Variants in NUP107 observed in about 807,000 individuals in gnomAD.
The protein encoded by NUP107 is nuclear pore complex protein Nup107.
Under a neutral mutation model 141.0 loss-of-function variants are expected in NUP107, and 101 were observed. That is an observed-to-expected ratio of 0.72 (90% CI 0.61 to 0.84). The LOEUF is 0.84. Ranked by LOEUF, NUP107 falls within the 40% of genes least tolerant of loss-of-function variation. NUP107 has a pLI of 0.00. For synonymous variants in NUP107, 319 were observed against 363.9 expected (o/e 0.88, Z 1.41); for missense variants, 941 against 1,102.7 (o/e 0.85, Z 2.08).
chr12:68,736,667 T>G (rs1022732064), intron 26 of NUP107, among the ~76,000 whole-genome samples: 2 of 151,396 alleles, frequency 1.3e-5, no homozygotes, highest in Non-Finnish European at 2.9e-5. Flanking sequence ...TCCTCCCACC[T>G]TGGCCTCCTG....
At chr12:68,717,254 A>G (rs1217928072) in intron 12 of NUP107, among the ~76,000 whole-genome samples, 2 of 152,226 alleles carry the variant, frequency 1.3e-5, no homozygotes, top group Non-Finnish European at 2.9e-5. Flanking sequence ...CTCAAAAAAT[A>G]GAAATTCTCA....
intron 17 of NUP107, 22 bp downstream of exon 17, chr12:68,722,174 T>C (rs751009966): frequency 6.2e-7 from 1 of 1,602,722 alleles, no homozygotes; most frequent in Admixed American, 1.7e-5. Context: ...TAGGAATATG[T>C]TAGGTATCTG....
chr12:68,708,195 C>G (rs554151940), intron 8 of NUP107, among the ~76,000 whole-genome samples: 68 of 152,162 alleles, frequency 4.5e-4, no homozygotes, highest in Admixed American at 3.3e-3. Flanking sequence ...GAGCCAATCC[C>G]CCATGGATAC....
rs767871343 is a variant in NUP107, at chr12:68,719,642, A to G, written c.1239A>G (p.Arg413=). ...GCATTTGGAAAATAAGTTGCTGGAG[A>G]ATGGCAGAAGATGTAAGATAAATAA... ...YRRIWKISCW[R]MAEDELFNRY... is the part of the protein sequence containing the mutation. The change falls in exon 14 of 28, where the codon AGA becomes AGG. Residue 413 remains arginine (R), a synonymous_variant. Transcript: ENST00000229179. 1 of 1,607,824 alleles carries G rather than the reference A, an allele frequency of 6.2e-7. No homozygotes were observed. The highest frequency in any genetic ancestry group is 1.1e-5 in the South Asian group (1 of 90,910).
rs139991199 is a variant in NUP107, at chr12:68,689,593, G to A, written c.161G>A (p.Arg54Gln). 1,250 of 1,611,460 alleles carry A rather than the reference G, an allele frequency of 7.8e-4. No individual in the cohort carries two copies. Among genetic ancestry groups the A allele is most frequent in the Non-Finnish European group, 9.9e-4 (1,172 of 1,178,842 alleles). Reference sequence around the variant, plus strand: ...ACACCAAGAAACCAGGTTATCCCTCGAACTCCTAGCTCATTTCGACAGCCT... The same window carrying A: ...ACACCAAGAAACCAGGTTATCCCTCAAACTCCTAGCTCATTTCGACAGCCT... ...NTTPRNQVIPRTPSSFRQPFT... is the reference protein window; with the variant it reads ...NTTPRNQVIPQTPSSFRQPFT... Residue 54 changes from arginine (R) to glutamine (Q), a missense_variant, in exon 3 of 28, where the codon CGA becomes CAA. Transcript: ENST00000229179.
chr12:68,707,716 A>C (rs1876660281), intron 8 of NUP107, among the ~76,000 whole-genome samples: 1 of 152,234 alleles, frequency 6.6e-6, no homozygotes, highest in Admixed American at 6.5e-5. Context: ...ATTAGATATT[A>C]TACATAATCT....
chr12:68,732,596 C>A (rs79783706), intron 22 of NUP107, 41 bp from the exon 23 acceptor site: 5 of 1,221,440 alleles, frequency 4.1e-6, no homozygotes, highest in East Asian at 2.5e-5. Context: ...AAAAAAAAAA[C>A]TCTGATATTC....
At chr12:68,713,302 G>A (rs1469781657) in intron 10 of NUP107, among the ~76,000 whole-genome samples, 1 of 151,352 alleles carries the variant, frequency 6.6e-6, no homozygotes, top group Non-Finnish European at 1.5e-5. Context: ...TTGAGTCCGG[G>A]AGGTCGAGGC....
rs201047805 is a variant in NUP107, at chr12:68,722,088, G to A, written c.1458-16G>A. The A allele has an allele frequency of 6.1e-5, 99 of 1,611,794 alleles. No homozygotes were observed. Among genetic ancestry groups the A allele is most frequent in the East Asian group, 2.2e-4 (10 of 44,870 alleles). On this transcript the variant is annotated splice_polypyrimidine_tract_variant and intron_variant, in intron 16 of 27. Coordinates refer to ENST00000229179, the MANE Select transcript of NUP107 (RefSeq NM_020401.4). ...ATATTATTAACATTATTCTTTTCCCGTTGTTTCTTTTGAAGCTGGACGTTA... is the reference window on the plus strand; with the variant it reads ...ATATTATTAACATTATTCTTTTCCCATTGTTTCTTTTGAAGCTGGACGTTA...
At chr12:68,736,249 A>G (rs1878061320) in intron 26 of NUP107, among the ~76,000 whole-genome samples, 1 of 151,792 alleles carries the variant, frequency 6.6e-6, no homozygotes, top group African/African-American at 2.4e-5. Context: ...TCATACCCTC[A>G]TCTATTTAGT....
chr12:68,740,444 C>T (rs1242515204), intron 26 of NUP107, among the ~76,000 whole-genome samples: 1 of 152,174 alleles, frequency 6.6e-6, no homozygotes. Context: ...ATGCTTCAAA[C>T]AAGACCAAAA....
chr12:68,740,889 T>C (rs1356336637), intron 26 of NUP107, among the ~76,000 whole-genome samples: 11 of 151,456 alleles, frequency 7.3e-5, no homozygotes, highest in African/African-American at 2.7e-4. Context: ...TTTTTTTAAA[T>C]AGAAAAATTA....
chr12:68,703,034 C>T lies in NUP107; in HGVS notation c.729+250C>T, dbSNP rs140252476. On this transcript the variant is annotated intron_variant, in intron 8 of 27. Coordinates refer to ENST00000229179, the MANE Select transcript of NUP107 (RefSeq NM_020401.4). ...AATTTTTTGTATTTTTAATAGCAAA[C>T]GGGGTTTCATCATGTTGGCCAAGCT... Among the ~76,000 whole-genome samples the T allele has an allele frequency of 9.4e-3, 1,427 of 151,832 alleles. 12 individuals are homozygous for T. The highest frequency in any genetic ancestry group is 0.021 in the South Asian group (102 of 4,814).
chr12:68,704,046 C>T (rs1214089141), intron 8 of NUP107, among the ~76,000 whole-genome samples: 1 of 152,096 alleles, frequency 6.6e-6, no homozygotes, highest in South Asian at 2.1e-4. Flanking sequence ...TGCACTCTAG[C>T]CTGGGCAACA....
chr12:68,735,345 G>A lies in NUP107; in HGVS notation c.2502+1G>A. 6.2e-7 allele frequency: 1 copy of A among 1,607,268 alleles called. No individual in the cohort carries two copies. The highest frequency in any genetic ancestry group is 8.5e-7 in the Non-Finnish European group (1 of 1,173,910). ...AGGGTGGATGGTGGATGTTAGAGAG[G>A]TAAGCTGTGTGCATTGTTTATAGCC... is the stretch of plus-strand genomic sequence containing the variant. On this transcript the variant is annotated splice_donor_variant, in intron 26 of 27. Coordinates refer to ENST00000229179, the MANE Select transcript of NUP107 (RefSeq NM_020401.4). LOFTEE classifies it high-confidence loss of function.
chr12:68,702,642 GTTAGCCAAATTTTCCTTCTCT>G, intron 7 of NUP107, 73 bp from the exon 8 acceptor site: 1 of 820,296 alleles, frequency 1.2e-6, no homozygotes, highest in South Asian at 1.7e-5. Context: ...TTAAAAAGAA[GTTAGCCAAATTTTCCTTCTCT>G]CAGATGCTCA....
At position 68,737,290 on chromosome 12, in the gene NUP107, C is replaced by T. The variant is rs149645879; in HGVS notation, c.2502+1946C>T. The stretch of plus-strand genomic sequence containing the variant: ...TCATAAAATTAGAGTTGAGGCCAAG[C>T]GTGGTGGCTCACGCCTGTACTCCTA... On this transcript the variant is annotated intron_variant, in intron 26 of 27. Coordinates refer to ENST00000229179, the MANE Select transcript of NUP107 (RefSeq NM_020401.4). Among the ~76,000 whole-genome samples, 10 of 152,228 alleles carry T rather than the reference C, an allele frequency of 6.6e-5. No individual in the cohort carries two copies. The East Asian group carries it at 1.4e-3, about 21-fold the overall frequency.
intron 18 of NUP107, 100 bp from the exon 19 acceptor site, chr12:68,726,399 T>C: frequency 1.4e-6 from 1 of 732,456 alleles, no homozygotes; most frequent in Non-Finnish European, 2.3e-6. Context: ...AGACAGTGAC[T>C]TGAAAGCACT....
intron 10 of NUP107, among the ~76,000 whole-genome samples, chr12:68,713,040 A>T (rs2136021875): frequency 6.6e-6 from 1 of 152,192 alleles, no homozygotes; most frequent in Non-Finnish European, 1.5e-5. Context: ...AGGCAAAAAA[A>T]TTGGTTTGAC....
Sources: gnomAD v4.1 joint callset for allele counts (sites outside exome capture counted in the v4.1 genomes callset) on GRCh38, gnomAD v4.1.1 for gene constraint, MANE v1.5 for transcripts, NCBI Gene and HGNC (gene_info 2026-07-23, HGNC 2026-07-21) for gene names.